AGPAT5: variants seen among roughly 807,000 people sequenced by gnomAD.
AGPAT5 encodes the protein 1-acyl-sn-glycerol-3-phosphate acyltransferase epsilon.
In AGPAT5, 46 loss-of-function variants were observed where a neutral mutation model predicts 45.6. The observed-to-expected ratio is 1.01, with a 90% CI of 0.80 to 1.29. The LOEUF (loss-of-function observed/expected upper bound fraction) is 1.29, where lower values mean the gene tolerates loss of function less well. AGPAT5 is among the 50% of genes most tolerant of loss of function. The pLI, the probability that AGPAT5 is intolerant of heterozygous loss-of-function variation, is 0.00. For missense variants in AGPAT5, 673 were observed against 450.7 expected, an observed-to-expected ratio of 1.49 and a Z score of -4.47; for synonymous variants, 272 against 167.0, an observed-to-expected ratio of 1.63 and a Z score of -4.85.
intron 5 of AGPAT5, 39 bp from the exon 6 acceptor site, chr8:6,747,631 T>G: frequency 6.3e-7 from 1 of 1,582,266 alleles, no homozygotes; most frequent in Non-Finnish European, 8.6e-7. Context: ...GTGGAGGTGT[T>G]TTGTAACTAA....
At chr8:6,717,035 A>G (rs1325564677) in intron 1 of AGPAT5, among the ~76,000 whole-genome samples, 1 of 152,192 alleles carries the variant, frequency 6.6e-6, no homozygotes. Context: ...TAAATAGATG[A>G]AGGAGGAAGA....
chr8:6,753,602 G>C (rs1801728036), intron 6 of AGPAT5, among the ~76,000 whole-genome samples: 1 of 152,128 alleles, frequency 6.6e-6, no homozygotes, highest in African/African-American at 2.4e-5. Context: ...TAGGCACAGA[G>C]AGGCGGACAG....
At chr8:6,719,573 G>A (rs1369694702) in intron 1 of AGPAT5, among the ~76,000 whole-genome samples, 1 of 152,126 alleles carries the variant, frequency 6.6e-6, no homozygotes, top group Non-Finnish European at 1.5e-5. Context: ...CCAAATATTT[G>A]CAAATCAGAC....
chr8:6,732,639 G>A lies in AGPAT5; in HGVS notation c.484G>A (p.Ala162Thr), dbSNP rs139524305. 4.7e-4 allele frequency: 763 copies of A among 1,608,124 alleles called. 1 individual carries two copies. The highest frequency in any genetic ancestry group is 1.6e-3 in the Admixed American group (95 of 58,424). ...MRNKLQSYVD[A>T]GTPMYLVIFP... ...AAACAAGTTGCAGAGCTACGTGGAC[G>A]CAGGAACTCCAGTAAGAGCCTACCC... The change falls in exon 4 of 8, where the codon GCA becomes ACA. Residue 162 changes from alanine to threonine, a missense_variant. Physicochemically the swap from Ala to Thr is moderately conservative, Grantham distance 58 (BLOSUM62 0). Coordinates refer to ENST00000285518, the MANE Select transcript of AGPAT5 (RefSeq NM_018361.5).
intron 4 of AGPAT5, among the ~76,000 whole-genome samples, chr8:6,740,317 G>A (rs955329699): frequency 2.6e-5 from 4 of 151,876 alleles, no homozygotes; most frequent in African/African-American, 9.7e-5. Flanking sequence ...TGAATGTGTG[G>A]TGTTTGGAAC....
chr8:6,711,049 G>C (rs1800141208), intron 1 of AGPAT5, among the ~76,000 whole-genome samples: 1 of 151,910 alleles, frequency 6.6e-6, no homozygotes, highest in South Asian at 2.1e-4. Flanking sequence ...TTAAATAAAA[G>C]GTTTATTAAT....
At chr8:6,737,686 TAGG>T (rs1801100273) in intron 4 of AGPAT5, among the ~76,000 whole-genome samples, 1 of 152,256 alleles carries the variant, frequency 6.6e-6, no homozygotes, top group Admixed American at 6.5e-5. Context: ...CCTTTTCAGA[TAGG>T]AGGCAGCCTG....
intron 6 of AGPAT5, among the ~76,000 whole-genome samples, chr8:6,751,532 T>G (rs141353986): frequency 6.6e-6 from 1 of 152,188 alleles, no homozygotes; most frequent in African/African-American, 2.4e-5. Flanking sequence ...CATGAGGTCT[T>G]ATGTTGAGGA....
intron 2 of AGPAT5, among the ~76,000 whole-genome samples, chr8:6,725,470 T>A (rs1563288254): frequency 6.6e-6 from 1 of 152,238 alleles, no homozygotes; most frequent in Non-Finnish European, 1.5e-5. Flanking sequence ...CAGTGCAGTA[T>A]ATACTTTAGG....
chr8:6,757,475 T>A lies in AGPAT5; in HGVS notation c.*87T>A. 9.6e-7 allele frequency: 1 copy of A among 1,039,440 alleles called. No homozygotes were observed. The highest frequency in any genetic ancestry group is 1.5e-6 in the Non-Finnish European group (1 of 686,744). The allele number at this position is 1,039,440 out of a possible 1,614,324, so 64.4% of individuals were successfully genotyped here. A position where few individuals can be genotyped will look rare whatever the true frequency, so the allele number is the denominator to read the frequency against. The stretch of plus-strand genomic sequence containing the variant: ...GACATCAAATTGTTTCCTGAATTTA[T>A]TAAGGAGTGTAAATAAAGCCTTGTT... On this transcript the variant is annotated 3_prime_UTR_variant, in exon 8 of 8. Transcript: ENST00000285518.
chr8:6,725,731 T>TA lies in AGPAT5; in HGVS notation c.289+792_289+793insA, dbSNP rs776166256. On this transcript the variant is annotated intron_variant, in intron 2 of 7. Coordinates refer to ENST00000285518, the MANE Select transcript of AGPAT5 (RefSeq NM_018361.5). ...TACTTTTGATGCGTACTTCCTAAATTGCATTTTTATTACTTTAAAAAATAT... is the reference window on the plus strand; with the variant it reads ...TACTTTTGATGCGTACTTCCTAAATTAGCATTTTTATTACTTTAAAAAATAT... 1.5e-4 allele frequency among the ~76,000 whole-genome samples: 23 copies of TA among 152,354 alleles called. 1 individual carries two copies. Among genetic ancestry groups the TA allele is most frequent in the Admixed American group, 7.2e-4 (11 of 15,300 alleles).
intron 5 of AGPAT5, among the ~76,000 whole-genome samples, chr8:6,746,831 A>G (rs1241700484): frequency 6.6e-6 from 1 of 152,194 alleles, no homozygotes; most frequent in Non-Finnish European, 1.5e-5. Flanking sequence ...ATTGAGAGCT[A>G]CTGTTTTCTG....
intron 1 of AGPAT5, among the ~76,000 whole-genome samples, chr8:6,717,171 G>A (rs1587003919): frequency 6.6e-6 from 1 of 152,124 alleles, no homozygotes. Context: ...AGTACTTTTT[G>A]TAATTTTTGA....
At chr8:6,735,672 T>C (rs544988094) in intron 4 of AGPAT5, among the ~76,000 whole-genome samples, 7 of 117,478 alleles carry the variant, frequency 6.0e-5, no homozygotes, top group African/African-American at 2.2e-4. Context: ...GTCATGAATC[T>C]ACAGCTTGTC....
At chr8:6,715,731 G>A (rs912064033) in intron 1 of AGPAT5, among the ~76,000 whole-genome samples, 23 of 152,258 alleles carry the variant, frequency 1.5e-4, no homozygotes, top group Middle Eastern at 3.4e-3. Flanking sequence ...TTACAATATA[G>A]GATAACACTG....
chr8:6,739,202 A>G (rs565988253), intron 4 of AGPAT5, among the ~76,000 whole-genome samples: 7 of 152,224 alleles, frequency 4.6e-5, no homozygotes, highest in African/African-American at 1.4e-4. Flanking sequence ...CTTGCTTTGC[A>G]GTAAGTTTTT....
intron 2 of AGPAT5, among the ~76,000 whole-genome samples, chr8:6,728,898 G>A (rs544000143): frequency 1.3e-5 from 2 of 152,200 alleles, no homozygotes; most frequent in South Asian, 4.1e-4. Flanking sequence ...GCTTCAACAG[G>A]AATTTATATA....
intron 1 of AGPAT5, among the ~76,000 whole-genome samples, chr8:6,711,707 A>G (rs1250091412): frequency 6.6e-6 from 1 of 152,094 alleles, no homozygotes; most frequent in African/African-American, 2.4e-5. Flanking sequence ...GTGTAGGCTC[A>G]ATTTTACTCC....
At chr8:6,729,403 T>G (rs1029189820) in intron 2 of AGPAT5, among the ~76,000 whole-genome samples, 1 of 151,932 alleles carries the variant, frequency 6.6e-6, no homozygotes, top group Non-Finnish European at 1.5e-5. Flanking sequence ...CTCATTTTCA[T>G]GGCCTGAGAA....
Sources: allele counts gnomAD v4.1 joint callset (sites outside exome capture counted in the v4.1 genomes callset), GRCh38; gene constraint gnomAD v4.1.1; transcripts MANE v1.5; gene names NCBI Gene and HGNC (gene_info 2026-07-23, HGNC 2026-07-21).